ARHGEF10L: variants seen among roughly 807,000 people sequenced by gnomAD.
ARHGEF10L encodes the protein rho guanine nucleotide exchange factor 10-like protein.
A neutral mutation model predicts 141.2 loss-of-function variants in ARHGEF10L; 69 were observed. The ratio of observed to expected loss-of-function variants is 0.49; its 90% CI spans 0.40 to 0.60. The LOEUF is 0.60. Ranked by LOEUF, ARHGEF10L falls within the 20% of genes least tolerant of loss-of-function variation. The pLI is 0.00. For synonymous variants in ARHGEF10L, 711 were observed against 718.5 expected, an observed-to-expected ratio of 0.99 and a Z score of 0.17; for missense variants, 1,482 against 1,734.3, an observed-to-expected ratio of 0.85 and a Z score of 2.58.
chr1:17,587,703 C>T (rs1026628834), intron 3 of ARHGEF10L, 58 bp downstream of exon 3: 21 of 1,521,366 alleles, frequency 1.4e-5, no homozygotes, highest in Admixed American at 8.0e-5. Flanking sequence ...GAGAACTGGG[C>T]GGAAGCTCCA....
In ARHGEF10L at chr1:17,603,465, C is replaced by CCA; in HGVS notation, c.350-40_350-39dup. ...ATCTGCAGCACCTCTGGCCAGGCTG[C>CCA]CACAGCCCACGGTGGTGCTCTCTCT... is the stretch of plus-strand genomic sequence containing the variant. On this transcript the variant is annotated intron_variant, in intron 5 of 28. Transcript: ENST00000361221. This position sits in a 1 kb window ranked among gnomAD's most constrained non-coding sequence, Gnocchi z 4.8. The CCA allele has an allele frequency of 6.4e-7, 1 of 1,564,650 alleles. No individual in the cohort carries two copies. The highest frequency in any genetic ancestry group is 1.1e-5 in the South Asian group (1 of 87,050).
intron 1 of ARHGEF10L, among the ~76,000 whole-genome samples, chr1:17,563,441 C>A (rs1393708259): frequency 6.6e-6 from 1 of 151,994 alleles, no homozygotes; most frequent in Non-Finnish European, 1.5e-5. Flanking sequence ...CCCCATGTTG[C>A]CCGGGATGGT....
At chr1:17,634,233 G>A in intron 16 of ARHGEF10L, 1 of 513,804 alleles carries the variant, frequency 1.9e-6, no homozygotes, top group Non-Finnish European at 3.5e-6. Context: ...AAAGTGCAAA[G>A]TGGGGTGCTA....
chr1:17,581,509 C>T (rs1229051042), intron 2 of ARHGEF10L, among the ~76,000 whole-genome samples: 1 of 152,112 alleles, frequency 6.6e-6, no homozygotes, highest in African/African-American at 2.4e-5. Flanking sequence ...TTCACCCAGG[C>T]AGCAGCTTCC....
chr1:17,649,656 A>G (rs896273301), intron 22 of ARHGEF10L, among the ~76,000 whole-genome samples: 2 of 152,238 alleles, frequency 1.3e-5, no homozygotes, highest in African/African-American at 2.4e-5. Context: ...GAATCCTAGC[A>G]GGGAGAGAGA....
chr1:17,632,309 C>T lies in ARHGEF10L; in HGVS notation c.1585-12C>T. 1.2e-6 allele frequency: 2 copies of T among 1,613,474 alleles called. No homozygotes were observed. The highest frequency in any genetic ancestry group is 1.7e-6 in the Non-Finnish European group (2 of 1,179,976). ...GCGATGCTGATGCTGACCTTCCCTG[C>T]CCCTCCTCCAGCTGTTGACCTCAGG... is the stretch of plus-strand genomic sequence containing the variant. On this transcript the variant is annotated splice_polypyrimidine_tract_variant and intron_variant, in intron 15 of 28. Transcript: ENST00000361221.
chr1:17,696,134 A>T (rs969134298), intron 28 of ARHGEF10L, among the ~76,000 whole-genome samples: 1 of 150,320 alleles, frequency 6.7e-6, no homozygotes, highest in African/African-American at 2.5e-5. Flanking sequence ...AATTTCTTGA[A>T]CCCGGGAGGT....
At chr1:17,523,083 CATT>C in the ARHGEF10L span, among the ~76,000 whole-genome samples, 87 of 107,080 alleles carry the variant, frequency 8.1e-4, 1 homozygote, top group African/African-American at 3.0e-3. Flanking sequence ...ATTTGTTTTC[CATT>C]TTTTTTTTTT....
chr1:17,678,426 T>TG (rs2063861121), intron 26 of ARHGEF10L, among the ~76,000 whole-genome samples: 1 of 151,794 alleles, frequency 6.6e-6, no homozygotes, highest in African/African-American at 2.4e-5. Context: ...GGTTTTTTTT[T>TG]TTTTTTTTTT....
chr1:17,524,447 C>T, the ARHGEF10L span, among the ~76,000 whole-genome samples: 10 of 148,496 alleles, frequency 6.7e-5, no homozygotes, highest in Non-Finnish European at 1.0e-4. Flanking sequence ...GGTGGCTCGC[C>T]TGTAGTCCCA....
At chr1:17,674,321 G>T (rs1279314872) in intron 26 of ARHGEF10L, among the ~76,000 whole-genome samples, 1 of 152,172 alleles carries the variant, frequency 6.6e-6, no homozygotes, top group African/African-American at 2.4e-5. Context: ...GTGAAGACCG[G>T]GATCTTGGCT....
intron 26 of ARHGEF10L, among the ~76,000 whole-genome samples, chr1:17,684,345 C>G (rs187761274): frequency 6.6e-6 from 1 of 152,172 alleles, no homozygotes; most frequent in Non-Finnish European, 1.5e-5. Context: ...CAGGACGGCC[C>G]GGGCTGTGGG....
At chr1:17,665,257 C>T (rs1163765243) in intron 26 of ARHGEF10L, among the ~76,000 whole-genome samples, 1 of 152,250 alleles carries the variant, frequency 6.6e-6, no homozygotes, top group South Asian at 2.1e-4. Context: ...TGGAGTGGAG[C>T]TCTCCCAGGG....
chr1:17,689,969 A>T, intron 27 of ARHGEF10L: 2 of 393,546 alleles, frequency 5.1e-6, no homozygotes, highest in Non-Finnish European at 1.0e-5. Context: ...CCGTTGTCTT[A>T]CTTACTCTTT....
chr1:17,610,816 C>T (rs912666824), intron 7 of ARHGEF10L, among the ~76,000 whole-genome samples: 3 of 152,152 alleles, frequency 2.0e-5, no homozygotes, highest in Non-Finnish European at 2.9e-5. Context: ...CCGAAGAGGC[C>T]GTCCCTAGGC....
chr1:17,527,960 C>T, the ARHGEF10L span, among the ~76,000 whole-genome samples: 1 of 151,358 alleles, frequency 6.6e-6, no homozygotes, highest in Non-Finnish European at 1.5e-5. Context: ...CCTCCGCCTC[C>T]TGGGTTCAAG....
chr1:17,661,670 G>T (rs1421005465), intron 25 of ARHGEF10L, among the ~76,000 whole-genome samples: 1 of 152,150 alleles, frequency 6.6e-6, no homozygotes. Flanking sequence ...CTTTTTCCCT[G>T]GGAGGGGTCC....
At chr1:17,566,585 G>A (rs572136108) in intron 1 of ARHGEF10L, among the ~76,000 whole-genome samples, 7 of 152,272 alleles carry the variant, frequency 4.6e-5, no homozygotes, top group Non-Finnish European at 7.4e-5. Flanking sequence ...GGCCCCTGGC[G>A]GAATGAACTG....
At chr1:17,601,672 C>T (rs2080695927) in intron 4 of ARHGEF10L, among the ~76,000 whole-genome samples, 1 of 152,170 alleles carries the variant, frequency 6.6e-6, no homozygotes, top group Non-Finnish European at 1.5e-5. Context: ...TCTTGAACTC[C>T]TGACCTCAAG....
Sources: allele counts gnomAD v4.1 joint callset (sites outside exome capture counted in the v4.1 genomes callset), GRCh38; gene constraint gnomAD v4.1.1; non-coding constraint Gnocchi (gnomAD v3.1); transcripts MANE v1.5; gene names NCBI Gene and HGNC (gene_info 2026-07-23, HGNC 2026-07-21).